TLN2: variants seen among roughly 807,000 people sequenced by gnomAD.
TLN2 encodes talin 2.
A neutral mutation model predicts 294.7 loss-of-function variants in TLN2; 118 were observed. That is an observed-to-expected ratio of 0.40 (90% CI 0.34 to 0.47). The LOEUF is 0.47. Among genes scored for constraint, TLN2 ranks in the 20% least tolerant of loss-of-function variants. The probability of loss-of-function intolerance (pLI) is 0.84; values close to 1 mark genes in which losing one functional copy is unlikely to be tolerated. For synonymous variants in TLN2, 1,431 were observed against 1,304.5 expected (o/e 1.10, Z -2.09); for missense variants, 3,083 against 3,282.2 (o/e 0.94, Z 1.48).
At chr15:62,437,486 C>T (rs2035341724) in intron 1 of TLN2, among the ~76,000 whole-genome samples, 1 of 152,054 alleles carries the variant, frequency 6.6e-6, no homozygotes, top group Admixed American at 6.6e-5. Context: ...CCCAAGCAGT[C>T]CTTCTCCCTC....
At chr15:62,819,655 A>G (rs375301056) in intron 53 of TLN2, 34 bp downstream of exon 53, 2 of 1,572,148 alleles carry the variant, frequency 1.3e-6, no homozygotes, top group South Asian at 2.2e-5. Flanking sequence ...GTGGAGGGCA[A>G]CCCTCCCAGG....
At chr15:62,836,231 C>A (rs1596204989) in intron 57 of TLN2, 158 bp downstream of exon 57, 1 of 999,088 alleles carries the variant, frequency 1.0e-6, no homozygotes, top group Non-Finnish European at 1.5e-6. Context: ...TCCATGCATC[C>A]TCCACTGCTG....
intron 46 of TLN2, among the ~76,000 whole-genome samples, chr15:62,794,694 A>G (rs1247189803): frequency 1.3e-5 from 2 of 152,100 alleles, no homozygotes; most frequent in African/African-American, 4.8e-5. Context: ...AAGAGAAACA[A>G]TTCCTTGTGG....
intron 43 of TLN2, 82 bp from the exon 44 acceptor site, chr15:62,781,058 C>CTCG: frequency 1.8e-6 from 2 of 1,084,534 alleles, no homozygotes. Flanking sequence ...CTCTGTTTTT[C>CTCG]AAAGTTCCTA....
intron 54 of TLN2, among the ~76,000 whole-genome samples, chr15:62,825,812 A>T (rs1448361121): frequency 9.2e-5 from 7 of 75,944 alleles, no homozygotes; most frequent in South Asian, 3.8e-4. Flanking sequence ...TATATATTAT[A>T]TTATAATATA....
intron 22 of TLN2, among the ~76,000 whole-genome samples, chr15:62,716,087 G>A (rs1305438891): frequency 1.3e-5 from 2 of 152,160 alleles, no homozygotes; most frequent in Non-Finnish European, 2.9e-5. Context: ...GACAACCAAG[G>A]CAATGTTCTC....
At chr15:62,708,302 A>G (rs950668458) in intron 20 of TLN2, among the ~76,000 whole-genome samples, 200 bp from the exon 21 acceptor site, 1 of 152,230 alleles carries the variant, frequency 6.6e-6, no homozygotes, top group African/African-American at 2.4e-5. Flanking sequence ...ACAAGGATGA[A>G]GTAGAATAGC....
At chr15:62,827,410 T>C (rs2068318137) in intron 54 of TLN2, among the ~76,000 whole-genome samples, 2 of 152,170 alleles carry the variant, frequency 1.3e-5, no homozygotes, top group South Asian at 4.1e-4. Context: ...AAGTTTAATT[T>C]GGAACTGTCC....
At chr15:62,510,545 T>C (rs2039873333) in intron 1 of TLN2, among the ~76,000 whole-genome samples, 1 of 152,236 alleles carries the variant, frequency 6.6e-6, no homozygotes. Context: ...GCTGGGCCTA[T>C]GGCTTAGCAT....
intron 43 of TLN2, among the ~76,000 whole-genome samples, chr15:62,778,973 G>A (rs147651509): frequency 1.1e-4 from 16 of 152,342 alleles, no homozygotes; most frequent in East Asian, 1.9e-4. Flanking sequence ...TGCAGCAAGC[G>A]TTAGAAAGCT....
intron 46 of TLN2, among the ~76,000 whole-genome samples, chr15:62,794,305 C>T (rs1357279348): frequency 2.0e-5 from 3 of 152,190 alleles, no homozygotes; most frequent in Non-Finnish European, 4.4e-5. Context: ...CGTCCCTGTC[C>T]TCTATGCCTT....
At chr15:62,638,651 C>G (rs1405013201) in intron 3 of TLN2, 2 of 455,806 alleles carry the variant, frequency 4.4e-6, no homozygotes, top group East Asian at 7.0e-5. Flanking sequence ...AAGGTCTTTT[C>G]TCATCATTCT....
intron 7 of TLN2, 70 bp downstream of exon 7, chr15:62,653,384 C>A: frequency 6.6e-7 from 1 of 1,520,346 alleles, no homozygotes; most frequent in Admixed American, 2.2e-5. Context: ...CTCCCACCAT[C>A]CATATGACCC....
At chr15:62,472,246 T>G (rs181024645) in intron 1 of TLN2, among the ~76,000 whole-genome samples, 1 of 152,206 alleles carries the variant, frequency 6.6e-6, no homozygotes, top group Admixed American at 6.5e-5. Context: ...ACCTATCTGA[T>G]AGATCTCTTT....
chr15:62,714,209 C>CT (rs5813164), intron 22 of TLN2, among the ~76,000 whole-genome samples: 15 of 62,284 alleles, frequency 2.4e-4, no homozygotes, highest in African/African-American at 7.0e-4. Context: ...TTTTTTTTTT[C>CT]TTTTTTTTTT....
intron 22 of TLN2, among the ~76,000 whole-genome samples, chr15:62,715,279 G>A (rs1194029064): frequency 1.3e-5 from 2 of 152,048 alleles, no homozygotes; most frequent in Admixed American, 6.5e-5. Context: ...AAATCTAGAC[G>A]TTTAGAAAAT....
At chr15:62,706,940 A>G in intron 19 of TLN2, 146 bp from the exon 20 acceptor site, 1 of 923,864 alleles carries the variant, frequency 1.1e-6, no homozygotes, top group Non-Finnish European at 1.6e-6. Context: ...ACTTCTAAGG[A>G]TAAGTTGACA....
In TLN2 at chr15:62,708,732, C is replaced by T. The variant is rs367832806; in HGVS notation, c.2403C>T (p.Tyr801=). 46 of 1,611,840 alleles carry T rather than the reference C, an allele frequency of 2.9e-5. No homozygotes were observed. The African/African-American group carries it at 4.8e-4, about 17-fold the overall frequency. ...FASRGEPIGR[Y]DQATDTIMCV... ...GCCGAGGCGAGCCCATCGGCCGCTA[C>T]GACCAGGCTACTGACACCATCATGT... The change falls in exon 21 of 59, where the codon TAC becomes TAT. Residue 801 remains tyrosine, a synonymous_variant. Coordinates refer to ENST00000636159, the MANE Select transcript of TLN2 (RefSeq NM_015059.3).
chr15:62,530,714 G>C (rs2040998617), intron 1 of TLN2, among the ~76,000 whole-genome samples: 1 of 152,228 alleles, frequency 6.6e-6, no homozygotes, highest in African/African-American at 2.4e-5. Context: ...TTGGGGAAAA[G>C]ATGTAAGAGA....
Sources: allele counts gnomAD v4.1 joint callset (sites outside exome capture counted in the v4.1 genomes callset), GRCh38; gene constraint gnomAD v4.1.1; transcripts MANE v1.5; gene names NCBI Gene and HGNC (gene_info 2026-07-23, HGNC 2026-07-21).